KDM4C: variants seen among roughly 807,000 people sequenced by gnomAD.
KDM4C encodes the protein lysine demethylase 4C.
KDM4C carries 81 observed loss-of-function variants against 129.3 expected under a neutral mutation model. That is an observed-to-expected ratio of 0.63 (90% CI 0.52 to 0.75). The LOEUF (loss-of-function observed/expected upper bound fraction) is 0.75. Among genes scored for constraint, KDM4C ranks in the 30% least tolerant of loss-of-function variants. The pLI, the probability that KDM4C is intolerant of heterozygous loss-of-function variation, is 0.00. For synonymous variants in KDM4C, 573 were observed against 456.1 expected, an observed-to-expected ratio of 1.26 and a Z score of -3.26; for missense variants, 1,457 against 1,304.0, an observed-to-expected ratio of 1.12 and a Z score of -1.81.
intron 1 of KDM4C, among the ~76,000 whole-genome samples, chr9:6,786,263 A>C (rs1223704640): frequency 1.3e-5 from 2 of 152,236 alleles, no homozygotes; most frequent in Non-Finnish European, 2.9e-5. Flanking sequence ...TCATTAGAAC[A>C]AGGAGAGTAG....
chr9:7,057,312 A>G (rs1225865901), intron 17 of KDM4C, among the ~76,000 whole-genome samples: 2 of 152,252 alleles, frequency 1.3e-5, no homozygotes, highest in East Asian at 1.9e-4. Context: ...CACAGATACT[A>G]GGACTGTTTT....
intron 8 of KDM4C, chr9:6,973,991 T>G (rs1027272041): frequency 3.2e-4 from 48 of 152,232 alleles, no homozygotes; most frequent in African/African-American, 1.1e-3. Context: ...ACTCATTATG[T>G]TCCTGTGTAC....
intron 17 of KDM4C, among the ~76,000 whole-genome samples, chr9:7,066,856 A>G (rs920007410): frequency 6.6e-6 from 1 of 152,234 alleles, no homozygotes; most frequent in Admixed American, 6.5e-5. Flanking sequence ...CCATCCAGAG[A>G]TAATTATCTT....
At chr9:7,161,798 A>G (rs1843826291) in intron 19 of KDM4C, among the ~76,000 whole-genome samples, 1 of 152,218 alleles carries the variant, frequency 6.6e-6, no homozygotes, top group African/African-American at 2.4e-5. Flanking sequence ...AGATCAGAGA[A>G]GCCTAAATAT....
At chr9:7,126,614 G>T (rs1313004106) in intron 18 of KDM4C, among the ~76,000 whole-genome samples, 1 of 152,166 alleles carries the variant, frequency 6.6e-6, no homozygotes, top group Non-Finnish European at 1.5e-5. Flanking sequence ...ATACGCATGT[G>T]TGTATTTATG....
At chr9:6,802,959 C>T (rs1198107028) in intron 2 of KDM4C, among the ~76,000 whole-genome samples, 2 of 152,168 alleles carry the variant, frequency 1.3e-5, no homozygotes, top group African/African-American at 2.4e-5. Flanking sequence ...AAAAGATAAA[C>T]CTCAAGTAGT....
At chr9:6,807,988 G>A (rs1280494640) in intron 3 of KDM4C, among the ~76,000 whole-genome samples, 1 of 116,190 alleles carries the variant, frequency 8.6e-6, no homozygotes, top group Non-Finnish European at 1.8e-5. Flanking sequence ...CGGGAGGGAG[G>A]TGGGGGGGGT....
At chr9:6,936,822 C>T (rs1824883675) in intron 8 of KDM4C, among the ~76,000 whole-genome samples, 1 of 152,180 alleles carries the variant, frequency 6.6e-6, no homozygotes, top group Non-Finnish European at 1.5e-5. Flanking sequence ...CTTATCTCCT[C>T]TGTGCTTTAG....
upstream of KDM4C, among the ~76,000 whole-genome samples, chr9:6,753,868 CTTTTTTTTTTTT>C (rs869158656): frequency 2.7e-3 from 219 of 80,400 alleles, no homozygotes; most frequent in African/African-American, 0.01. Flanking sequence ...TCATTGAATT[CTTTTTTTTTTTT>C]TTTTTTTTTT....
At chr9:6,782,297 T>C (rs2130776298) in intron 1 of KDM4C, among the ~76,000 whole-genome samples, 1 of 152,268 alleles carries the variant, frequency 6.6e-6, no homozygotes, top group South Asian at 2.1e-4. Flanking sequence ...AGTTGAAAGA[T>C]GAGTTTTGCC....
intron 8 of KDM4C, among the ~76,000 whole-genome samples, chr9:6,907,851 T>C (rs1170936057): frequency 6.6e-6 from 1 of 152,250 alleles, no homozygotes; most frequent in Non-Finnish European, 1.5e-5. Flanking sequence ...TTTAACATTT[T>C]CATACAATTA....
Position 7,013,778 on chromosome 9 carries a change from T to C in KDM4C, c.1969-10T>C, listed in dbSNP as rs1186453597. On this transcript the variant is annotated splice_polypyrimidine_tract_variant and intron_variant, in intron 13 of 21. Coordinates refer to ENST00000381309, the MANE Select transcript of KDM4C (RefSeq NM_015061.6). ...GTTTTTCACTCATGTGGAAACGTTA[T>C]GTTTTTCAGCCAGATAGCAGCAATG... 7 of 1,612,990 alleles carry C rather than the reference T, an allele frequency of 4.3e-6. No individual in the cohort carries two copies. Among genetic ancestry groups the C allele is most frequent in the South Asian group, 1.1e-5 (1 of 91,022 alleles).
intron 14 of KDM4C, among the ~76,000 whole-genome samples, chr9:7,014,652 C>G (rs1167753253): frequency 6.6e-6 from 1 of 151,990 alleles, no homozygotes; most frequent in Non-Finnish European, 1.5e-5. Flanking sequence ...TTTTAATATT[C>G]CAGATCTTAC....
intron 15 of KDM4C, among the ~76,000 whole-genome samples, chr9:7,037,598 A>T (rs1280864643): frequency 6.6e-6 from 1 of 152,198 alleles, no homozygotes; most frequent in Admixed American, 6.5e-5. Context: ...CCAAATTTTA[A>T]AAATAGCTGG....
At chr9:6,723,717 A>G (rs1163889514) in intron 1 of KDM4C, 1 of 152,098 alleles carries the variant, frequency 6.6e-6, no homozygotes. Flanking sequence ...GATGCCTCTA[A>G]CGAAGGAAAG....
chr9:6,731,464 T>C (rs1050865674), intron 1 of KDM4C, among the ~76,000 whole-genome samples: 1 of 151,806 alleles, frequency 6.6e-6, no homozygotes, highest in South Asian at 2.1e-4. Context: ...GTAGCTGGGA[T>C]TACAGGCATG....
intron 8 of KDM4C, among the ~76,000 whole-genome samples, chr9:6,949,528 C>T (rs1251666416): frequency 6.6e-6 from 1 of 152,208 alleles, no homozygotes; most frequent in Non-Finnish European, 1.5e-5. Flanking sequence ...AAGATCACGC[C>T]ACTGCCCTCC....
intron 1 of KDM4C, among the ~76,000 whole-genome samples, chr9:6,737,938 G>C (rs1817577839): frequency 6.8e-6 from 1 of 146,828 alleles, no homozygotes; most frequent in East Asian, 2.1e-4. Flanking sequence ...GGAGTTCGGA[G>C]CCTGGCTAAC....
intron 8 of KDM4C, among the ~76,000 whole-genome samples, chr9:6,971,205 A>G (rs1046022534): frequency 2.2e-4 from 33 of 152,176 alleles, no homozygotes; most frequent in East Asian, 1.3e-3. Context: ...AAGTTATACA[A>G]ATGTGGAGCT....
Sources: allele counts gnomAD v4.1 joint callset (sites outside exome capture counted in the v4.1 genomes callset), GRCh38; gene constraint gnomAD v4.1.1; transcripts MANE v1.5; gene names NCBI Gene and HGNC (gene_info 2026-07-23, HGNC 2026-07-21).